Variants in TTC27 observed in about 807,000 individuals in gnomAD.
TTC27 encodes tetratricopeptide repeat protein 27.
In TTC27, 79 loss-of-function variants were observed where a neutral mutation model predicts 115.9. The observed-to-expected ratio is 0.68, with a 90% confidence interval of 0.57 to 0.82. TTC27 has a LOEUF of 0.82. Ranked by LOEUF, TTC27 falls within the 40% of genes least tolerant of loss-of-function variation. TTC27 has a pLI of 0.00. For synonymous variants in TTC27, 401 were observed against 356.0 expected, an observed-to-expected ratio of 1.13 and a Z score of -1.42; for missense variants, 1,054 against 993.1, an observed-to-expected ratio of 1.06 and a Z score of -0.82.
chr2:32,697,173 T>C (rs922763651), intron 9 of TTC27, among the ~76,000 whole-genome samples: 20 of 144,164 alleles, frequency 1.4e-4, no homozygotes, highest in Admixed American at 7.2e-5. Context: ...GCTTGGGCAA[T>C]AGAGTGAGAC....
chr2:32,771,774 T>C (rs1346999053), intron 13 of TTC27, among the ~76,000 whole-genome samples: 1 of 152,178 alleles, frequency 6.6e-6, no homozygotes, highest in Non-Finnish European at 1.5e-5. Flanking sequence ...TCAGACACCA[T>C]TGATGTCACT....
intron 13 of TTC27, among the ~76,000 whole-genome samples, chr2:32,765,703 CATCA>C (rs1366532553): frequency 6.6e-6 from 1 of 152,232 alleles, no homozygotes; most frequent in Non-Finnish European, 1.5e-5. Flanking sequence ...CAGCCACCTT[CATCA>C]ATGGTCTTAG....
intron 7 of TTC27, among the ~76,000 whole-genome samples, chr2:32,668,376 G>GAA (rs112747168): frequency 5.0e-5 from 5 of 100,108 alleles, no homozygotes; most frequent in Non-Finnish European, 6.3e-5. Flanking sequence ...AACTCCCTTT[G>GAA]AAAAAAAAAA....
At chr2:32,660,233 T>C (rs953833339) in intron 5 of TTC27, among the ~76,000 whole-genome samples, 4 of 152,214 alleles carry the variant, frequency 2.6e-5, no homozygotes, top group African/African-American at 9.7e-5. Flanking sequence ...TGGTATCTCA[T>C]TGTGGTTTGG....
rs1009580502 is a variant in TTC27, at chr2:32,813,812, C to T, written c.2308+1197C>T. ...CCTAAAGGATATAAATATCTAATTTCCTGGGTCACCAAGCACTTGGCAGAG... is the reference window on the plus strand; with the variant it reads ...CCTAAAGGATATAAATATCTAATTTTCTGGGTCACCAAGCACTTGGCAGAG... On this transcript the variant is annotated intron_variant, in intron 18 of 19. Transcript: ENST00000317907. Among the ~76,000 whole-genome samples the T allele has an allele frequency of 3.9e-5, 6 of 152,272 alleles. No homozygotes were observed. In the South Asian group the frequency reaches 1.0e-3, roughly 26 times the overall value.
intron 16 of TTC27, among the ~76,000 whole-genome samples, chr2:32,794,916 T>C (rs1240439606): frequency 1.3e-5 from 2 of 152,096 alleles, no homozygotes; most frequent in African/African-American, 4.8e-5. Context: ...AATAGATGTA[T>C]AACTAGTAAG....
intron 9 of TTC27, among the ~76,000 whole-genome samples, chr2:32,687,769 T>A (rs1221083757): frequency 3.3e-5 from 5 of 152,154 alleles, no homozygotes; most frequent in Admixed American, 3.3e-4. Flanking sequence ...TAATTATAAA[T>A]GTGTATGTAT....
At chr2:32,671,005 A>G (rs914639367) in intron 7 of TTC27, among the ~76,000 whole-genome samples, 4 of 150,808 alleles carry the variant, frequency 2.7e-5, no homozygotes. Flanking sequence ...CCCTTTTCAG[A>G]TATATGTTTT....
chr2:32,722,255 C>G (rs1667957950), intron 10 of TTC27, among the ~76,000 whole-genome samples: 1 of 152,112 alleles, frequency 6.6e-6, no homozygotes, highest in South Asian at 2.1e-4. Flanking sequence ...GAACATGTGT[C>G]TTTCATTCTA....
At chr2:32,818,507 A>T (rs1273445678) in intron 19 of TTC27, among the ~76,000 whole-genome samples, 1 of 152,190 alleles carries the variant, frequency 6.6e-6, no homozygotes, top group African/African-American at 2.4e-5. Flanking sequence ...AGGGAGCTTT[A>T]TTGAAGACTG....
chr2:32,770,115 C>A (rs1669779008), intron 13 of TTC27, among the ~76,000 whole-genome samples: 1 of 152,138 alleles, frequency 6.6e-6, no homozygotes, highest in Admixed American at 6.5e-5. Flanking sequence ...TAAAAACCAA[C>A]CCTGCAGAGA....
chr2:32,799,394 GT>G (rs1401194199), intron 16 of TTC27, among the ~76,000 whole-genome samples: 1 of 152,118 alleles, frequency 6.6e-6, no homozygotes, highest in East Asian at 1.9e-4. Flanking sequence ...TGTATGTTAT[GT>G]GTATTTTACT....
chr2:32,706,241 C>A (rs1272932165), intron 10 of TTC27, among the ~76,000 whole-genome samples: 1 of 151,398 alleles, frequency 6.6e-6, no homozygotes, highest in Non-Finnish European at 1.5e-5. Flanking sequence ...TGCCACCATG[C>A]CTTGCTAATT....
chr2:32,634,154 T>C, intron 3 of TTC27, 149 bp downstream of exon 3: 1 of 956,184 alleles, frequency 1.0e-6, no homozygotes, highest in South Asian at 2.1e-5. Flanking sequence ...ATTGATCAGA[T>C]TTTCACAGAT....
In TTC27 at chr2:32,777,952, T is replaced by G. The variant is rs1670052890; in HGVS notation, c.1751T>G (p.Phe584Cys). The change falls in exon 14 of 20, where the codon TTT (phenylalanine) becomes TGT (cysteine). Residue 584 changes from phenylalanine to cysteine, a missense_variant. Phe to Cys is a radical substitution (Grantham distance 205, BLOSUM62 -2). Coordinates refer to ENST00000317907, the MANE Select transcript of TTC27 (RefSeq NM_017735.5). The part of the protein sequence containing the change: ...LEDYQGSAKA[F>C]QRCVTLEPDN... ...GACTATCAAGGTTCAGCAAAGGCAT[T>G]TCAGCGCTGTGTGACTCTAGAACCC... 3.1e-6 allele frequency: 5 copies of G among 1,614,010 alleles called. No individual in the cohort carries two copies. The highest frequency in any genetic ancestry group is 3.4e-6 in the Non-Finnish European group (4 of 1,180,018).
At chr2:32,662,671 T>C (rs1006099598) in intron 5 of TTC27, among the ~76,000 whole-genome samples, 2 of 152,196 alleles carry the variant, frequency 1.3e-5, no homozygotes, top group East Asian at 1.9e-4. Flanking sequence ...TCTTCTTTAT[T>C]AGTCTGGCTA....
At chr2:32,651,717 A>G (rs1398085705) in intron 5 of TTC27, among the ~76,000 whole-genome samples, 1 of 152,184 alleles carries the variant, frequency 6.6e-6, no homozygotes, top group African/African-American at 2.4e-5. Flanking sequence ...TTTAGTCATA[A>G]ATATTCCTAA....
At chr2:32,773,519 A>G (rs1669898200) in intron 13 of TTC27, among the ~76,000 whole-genome samples, 1 of 152,180 alleles carries the variant, frequency 6.6e-6, no homozygotes, top group Admixed American at 6.5e-5. Context: ...TGGCTTGTGT[A>G]TAGGCAGAAT....
intron 9 of TTC27, among the ~76,000 whole-genome samples, chr2:32,699,500 C>T (rs927600298): frequency 2.0e-5 from 3 of 152,200 alleles, no homozygotes; most frequent in Non-Finnish European, 2.9e-5. Flanking sequence ...GTGTTCTCTC[C>T]ATTGCATTTG....
Sources: gnomAD v4.1 joint callset for allele counts (sites outside exome capture counted in the v4.1 genomes callset) on GRCh38, gnomAD v4.1.1 for gene constraint, MANE v1.5 for transcripts, NCBI Gene and HGNC (gene_info 2026-07-23, HGNC 2026-07-21) for gene names.